Variants in GRIP1 observed in about 807,000 individuals in gnomAD.
GRIP1 encodes glutamate receptor-interacting protein 1.
A neutral mutation model predicts 129.9 loss-of-function variants in GRIP1; 45 were observed. The ratio of observed to expected loss-of-function variants is 0.35; its 90% confidence interval spans 0.27 to 0.44. The LOEUF (loss-of-function observed/expected upper bound fraction) is 0.44. Ranked by LOEUF, GRIP1 falls within the 20% of genes least tolerant of loss-of-function variation. The pLI, the probability that GRIP1 is intolerant of heterozygous loss-of-function variation, is 1.00. For synonymous variants in GRIP1, 530 were observed against 520.8 expected (o/e 1.02, Z -0.24); for missense variants, 1,196 against 1,396.8 (o/e 0.86, Z 2.29).
At chr12:66,455,368 T>G (rs2138231140) in intron 11 of GRIP1, 41 bp downstream of exon 11, 1 of 1,604,096 alleles carries the variant, frequency 6.2e-7, no homozygotes, top group Non-Finnish European at 8.5e-7. Context: ...TGCCCACAGG[T>G]TTTTTCCAGG....
intron 1 of GRIP1, among the ~76,000 whole-genome samples, chr12:66,791,755 C>T (rs745498570): frequency 4.6e-5 from 7 of 152,222 alleles, no homozygotes; most frequent in Non-Finnish European, 8.8e-5. Context: ...TATACTGGTG[C>T]TGAGATTTTA....
rs199734091 is a variant in GRIP1 at position 67,035,207 on chromosome 12, G to GA, written c.58+33842dup. Among the ~76,000 whole-genome samples, 423 of 151,038 alleles carry GA rather than the reference G, an allele frequency of 2.8e-3. 3 individuals carry two copies. The highest frequency in any genetic ancestry group is 8.7e-3 in the African/African-American group (360 of 41,208). On this transcript the variant is annotated intron_variant, in intron 1 of 1. Transcript: ENST00000643019. The stretch of plus-strand genomic sequence containing the variant: ...TACCAGCCTACCACTGGATAAAGTA[G>GA]AAAAAAAAACGTGTTTCCTCCATGC...
intron 15 of GRIP1, among the ~76,000 whole-genome samples, chr12:66,419,008 C>A (rs2057708220): frequency 6.6e-6 from 1 of 152,130 alleles, no homozygotes; most frequent in African/African-American, 2.4e-5. Context: ...TTTGCTGCAG[C>A]ACTGTTCACA....
At chr12:66,678,023 GGTT>G (rs2034420551) in intron 1 of GRIP1, among the ~76,000 whole-genome samples, 1 of 151,910 alleles carries the variant, frequency 6.6e-6, no homozygotes, top group South Asian at 2.1e-4. Flanking sequence ...CTCTAAGGAA[GGTT>G]CTATCTAAAG....
At chr12:66,358,394 C>T (rs2054594349) in intron 23 of GRIP1, among the ~76,000 whole-genome samples, 1 of 152,142 alleles carries the variant, frequency 6.6e-6, no homozygotes, top group South Asian at 2.1e-4. Flanking sequence ...TCAGCTATTC[C>T]TCCAAGGAGC....
intron 1 of GRIP1, among the ~76,000 whole-genome samples, chr12:67,026,170 A>T (rs559566322): frequency 3.9e-5 from 6 of 152,368 alleles, no homozygotes; most frequent in Admixed American, 2.0e-4. Context: ...CTCTCTGTCA[A>T]CTATGCTCTT....
intron 13 of GRIP1, among the ~76,000 whole-genome samples, chr12:66,434,175 T>A (rs1278365720): frequency 6.6e-6 from 1 of 152,168 alleles, no homozygotes; most frequent in Non-Finnish European, 1.5e-5. Context: ...GAAATTTGAT[T>A]TCCCTGGGCC....
At chr12:66,977,379 C>T (rs925815837) in intron 1 of GRIP1, among the ~76,000 whole-genome samples, 18 of 151,996 alleles carry the variant, frequency 1.2e-4, no homozygotes, top group Admixed American at 5.9e-4. Flanking sequence ...AAAGAATGCA[C>T]ATTAAGTTCT....
intron 8 of GRIP1, among the ~76,000 whole-genome samples, chr12:66,463,834 C>G (rs2059205657): frequency 6.6e-6 from 1 of 152,184 alleles, no homozygotes; most frequent in Non-Finnish European, 1.5e-5. Context: ...AGCATCCCCA[C>G]ATACCAGTCA....
At chr12:66,838,011 T>C (rs946286736) in intron 1 of GRIP1, among the ~76,000 whole-genome samples, 1 of 152,080 alleles carries the variant, frequency 6.6e-6, no homozygotes, top group South Asian at 2.1e-4. Context: ...GTGGCCAACA[T>C]GGTGAAACCC....
intron 1 of GRIP1, among the ~76,000 whole-genome samples, chr12:66,720,029 C>T (rs2036012379): frequency 6.6e-6 from 1 of 152,110 alleles, no homozygotes; most frequent in Non-Finnish European, 1.5e-5. Flanking sequence ...CATCTATAAA[C>T]AAATTAAGAT....
chr12:66,919,669 T>C (rs1024366587), intron 1 of GRIP1, among the ~76,000 whole-genome samples: 8 of 152,162 alleles, frequency 5.3e-5, no homozygotes, highest in Non-Finnish European at 1.0e-4. Context: ...CTTGACTTTT[T>C]TCCCCCAGAT....
intron 2 of GRIP1, among the ~76,000 whole-genome samples, chr12:66,542,547 C>T (rs945754018): frequency 2.0e-5 from 3 of 152,156 alleles, no homozygotes; most frequent in Admixed American, 6.5e-5. Flanking sequence ...AGGATTGATC[C>T]TCAGAATTTC....
chr12:66,804,785 G>A (rs910041416), upstream of GRIP1, among the ~76,000 whole-genome samples: 2 of 152,142 alleles, frequency 1.3e-5, no homozygotes, highest in Non-Finnish European at 2.9e-5. Context: ...CTATTGTTTT[G>A]CAATGGGCGT....
chr12:66,774,035 A>G (rs889096327), intron 1 of GRIP1, among the ~76,000 whole-genome samples: 3 of 152,168 alleles, frequency 2.0e-5, no homozygotes, highest in African/African-American at 7.2e-5. Flanking sequence ...TTAAAAAAAA[A>G]AAGTATCAAA....
chr12:66,638,408 G>T (rs1168588816), intron 1 of GRIP1, among the ~76,000 whole-genome samples: 1 of 152,148 alleles, frequency 6.6e-6, no homozygotes, highest in East Asian at 1.9e-4. Flanking sequence ...TAAATAACCT[G>T]CCCAGGGTTA....
chr12:66,914,240 T>C (rs2041081538), intron 1 of GRIP1, among the ~76,000 whole-genome samples: 1 of 152,206 alleles, frequency 6.6e-6, no homozygotes, highest in South Asian at 2.1e-4. Flanking sequence ...TAATCAATAA[T>C]GCCAGCCCCA....
chr12:66,923,229 C>G (rs905243597), intron 1 of GRIP1, among the ~76,000 whole-genome samples: 11 of 152,050 alleles, frequency 7.2e-5, no homozygotes, highest in African/African-American at 2.7e-4. Context: ...TCCTGTAATC[C>G]CAGCATTTGA....
At chr12:66,875,533 G>A (rs1056358612) in intron 1 of GRIP1, among the ~76,000 whole-genome samples, 1 of 151,924 alleles carries the variant, frequency 6.6e-6, no homozygotes, top group Non-Finnish European at 1.5e-5. Context: ...AATAAAGCCT[G>A]GTATCACTGC....
Sources: allele counts gnomAD v4.1 joint callset (sites outside exome capture counted in the v4.1 genomes callset), GRCh38; gene constraint gnomAD v4.1.1; transcripts MANE v1.5; gene names NCBI Gene and HGNC (gene_info 2026-07-23, HGNC 2026-07-21).